Variants in LRMDA observed in about 807,000 individuals in gnomAD.
LRMDA encodes the protein leucine rich melanocyte differentiation associated, also known as leucine-rich melanocyte differentiation-associated protein.
Under a neutral mutation model 29.8 loss-of-function variants are expected in LRMDA, and 18 were observed. The observed-to-expected ratio is 0.60, with a 90% CI of 0.42 to 0.90. The LOEUF (loss-of-function observed/expected upper bound fraction) is 0.90, where lower values mean the gene tolerates loss of function less well. Ranked by LOEUF, LRMDA falls within the 40% of genes least tolerant of loss-of-function variation. The pLI is 0.00. For missense variants in LRMDA, 273 were observed against 273.9 expected (o/e 1.00, Z 0.02); for synonymous variants, 125 against 109.4 (o/e 1.14, Z -0.89).
chr10:75,772,106 C>T (rs529669914), intron 2 of LRMDA, among the ~76,000 whole-genome samples: 4 of 152,300 alleles, frequency 2.6e-5, no homozygotes, highest in African/African-American at 9.6e-5. Context: ...CAGCTATGCT[C>T]TAATTCTCAG....
intron 5 of LRMDA, among the ~76,000 whole-genome samples, chr10:76,205,404 A>G (rs1044794954): frequency 3.9e-5 from 6 of 152,212 alleles, no homozygotes; most frequent in Admixed American, 2.0e-4. Context: ...AATGTGAAGT[A>G]AAGTTTCCCA....
intron 2 of LRMDA, among the ~76,000 whole-genome samples, chr10:75,985,178 A>C (rs1416618664): frequency 7.9e-5 from 12 of 152,174 alleles, no homozygotes; most frequent in Non-Finnish European, 1.5e-5. Flanking sequence ...GAAATGGGAA[A>C]GGAAGTGAGT....
At chr10:76,116,022 C>T (rs886853577) in intron 5 of LRMDA, among the ~76,000 whole-genome samples, 4 of 152,122 alleles carry the variant, frequency 2.6e-5, no homozygotes, top group East Asian at 3.9e-4. Context: ...CAGTGTGACA[C>T]GGCGCGTTAT....
At chr10:75,560,351 TA>T (rs1413841325) in intron 2 of LRMDA, among the ~76,000 whole-genome samples, 1,922 of 151,820 alleles carry the variant, frequency 0.013, 49 homozygotes, top group African/African-American at 0.044. Context: ...TATTGGTGTA[TA>T]AGAATGCTTG....
In LRMDA at chr10:76,363,225, A is replaced by AGGGAG. The variant is rs1564520781; in HGVS notation, c.601+38740_601+38741insGGGAG. On this transcript the variant is annotated intron_variant, in intron 6 of 6. Coordinates refer to ENST00000611255, the MANE Select transcript of LRMDA (RefSeq NM_001305581.2). ...GGGAGGGAGGGAAGGAAGAGAAAGAAAGAAAGAAAGAAAGAAAGAAAGAAA... is the reference window on the plus strand; with the variant it reads ...GGGAGGGAGGGAAGGAAGAGAAAGAAGGGAGAGAAAGAAAGAAAGAAAGAAAGAAA... Among the ~76,000 whole-genome samples the AGGGAG allele has an allele frequency of 7.8e-4, 23 of 29,484 alleles. 1 individual carries two copies. Among genetic ancestry groups the AGGGAG allele is most frequent in the African/African-American group, 2.1e-3 (17 of 7,920 alleles). 19.3% of individuals were successfully genotyped at this position (29,484 alleles called of 152,430 possible). A position where few individuals can be genotyped will look rare whatever the true frequency, so the allele number is the denominator to read the frequency against.
At chr10:76,435,762 C>A (rs1268021070) in intron 6 of LRMDA, among the ~76,000 whole-genome samples, 1 of 152,132 alleles carries the variant, frequency 6.6e-6, no homozygotes, top group Non-Finnish European at 1.5e-5. Context: ...TAGGCCATAG[C>A]AGTTCTCAGA....
At chr10:76,055,234 G>T (rs1044309819) in intron 4 of LRMDA, among the ~76,000 whole-genome samples, 4 of 152,112 alleles carry the variant, frequency 2.6e-5, no homozygotes, top group Non-Finnish European at 5.9e-5. Context: ...TGAGGCCAGG[G>T]AGGAAACAGG....
At chr10:75,478,169 G>C (rs1403366369) in intron 2 of LRMDA, among the ~76,000 whole-genome samples, 42 of 152,206 alleles carry the variant, frequency 2.8e-4, no homozygotes, top group Non-Finnish European at 5.9e-5. Context: ...CATTCACCTT[G>C]GGAGGAGGCA....
At chr10:75,912,969 G>A (rs2132378816) in intron 2 of LRMDA, among the ~76,000 whole-genome samples, 1 of 152,244 alleles carries the variant, frequency 6.6e-6, no homozygotes, top group East Asian at 1.9e-4. Flanking sequence ...AGAGAAGGTT[G>A]AAGCCAGGCA....
intron 6 of LRMDA, among the ~76,000 whole-genome samples, chr10:76,418,150 A>G (rs1232781174): frequency 6.6e-6 from 1 of 152,138 alleles, no homozygotes; most frequent in African/African-American, 2.4e-5. Context: ...GTGTCCTAAT[A>G]ATAACAACAA....
At chr10:76,137,680 A>G (rs1850120780) in intron 5 of LRMDA, among the ~76,000 whole-genome samples, 1 of 152,178 alleles carries the variant, frequency 6.6e-6, no homozygotes, top group South Asian at 2.1e-4. Context: ...ACAATGCTCA[A>G]CAAATGACTG....
intron 5 of LRMDA, among the ~76,000 whole-genome samples, chr10:76,171,280 C>T (rs1325460855): frequency 6.6e-6 from 1 of 152,192 alleles, no homozygotes; most frequent in Non-Finnish European, 1.5e-5. Flanking sequence ...GGATTACAGG[C>T]ATGCACCACC....
intron 6 of LRMDA, among the ~76,000 whole-genome samples, chr10:76,458,124 T>C (rs1842475809): frequency 2.2e-5 from 1 of 44,774 alleles, no homozygotes; most frequent in South Asian, 5.5e-4. Context: ...CCTAGTGCTT[T>C]CAAAAAAAAA....
chr10:75,516,811 T>C (rs1406137790), intron 2 of LRMDA, among the ~76,000 whole-genome samples: 1 of 152,152 alleles, frequency 6.6e-6, no homozygotes, highest in Non-Finnish European at 1.5e-5. Flanking sequence ...CTAGATTTTC[T>C]TCTAGGGTTT....
chr10:75,520,503 C>G (rs981157153), intron 2 of LRMDA, among the ~76,000 whole-genome samples: 3 of 152,166 alleles, frequency 2.0e-5, no homozygotes, highest in Non-Finnish European at 4.4e-5. Flanking sequence ...TCGTGAAGTT[C>G]TTGTGCCATG....
rs536204005 is a variant in LRMDA, at chr10:75,968,001, G to A, written c.132-68007G>A. Among the ~76,000 whole-genome samples the A allele has an allele frequency of 3.3e-5, 5 of 152,232 alleles. No homozygotes were observed. In the East Asian group the frequency reaches 5.8e-4, roughly 18 times the overall value. On this transcript the variant is annotated intron_variant, in intron 2 of 6. Coordinates refer to ENST00000611255, the MANE Select transcript of LRMDA (RefSeq NM_001305581.2). ...TGTGGGTATTCCTTAGATTAAAGGC[G>A]AAGTGCTGAGTGAATGATGAGAAGC...
intron 2 of LRMDA, among the ~76,000 whole-genome samples, chr10:75,824,140 G>T (rs1307082792): frequency 1.3e-5 from 2 of 152,064 alleles, no homozygotes; most frequent in Non-Finnish European, 2.9e-5. Flanking sequence ...AATCTATAAA[G>T]AAGTTAATTT....
chr10:76,519,916 T>A (rs1443402727), intron 6 of LRMDA, among the ~76,000 whole-genome samples: 1 of 152,192 alleles, frequency 6.6e-6, no homozygotes, highest in Non-Finnish European at 1.5e-5. Context: ...ATACTTTTTT[T>A]AAGTTTGTAA....
chr10:75,857,498 A>G (rs185818303), intron 2 of LRMDA, among the ~76,000 whole-genome samples: 36 of 152,332 alleles, frequency 2.4e-4, no homozygotes, highest in Admixed American at 1.6e-3. Flanking sequence ...GAGAAGCTGA[A>G]TTTGCTGTTT....
Sources: gnomAD v4.1 joint callset for allele counts (sites outside exome capture counted in the v4.1 genomes callset) on GRCh38, gnomAD v4.1.1 for gene constraint, MANE v1.5 for transcripts, NCBI Gene and HGNC (gene_info 2026-07-23, HGNC 2026-07-21) for gene names.